Variants in RBFOX1 observed in about 807,000 individuals in gnomAD.
RBFOX1 encodes RNA binding fox-1 homolog 1, also known as RNA binding protein fox-1 homolog 1.
In RBFOX1, 8 loss-of-function variants were observed where a neutral mutation model predicts 57.7. That is an observed-to-expected ratio of 0.14 (90% CI 0.08 to 0.25). The LOEUF (loss-of-function observed/expected upper bound fraction) is 0.25. RBFOX1 is among the 10% of genes least tolerant of loss of function. The pLI, the probability that RBFOX1 is intolerant of heterozygous loss-of-function variation, is 1.00. For missense variants in RBFOX1, 611 were observed against 548.5 expected (o/e 1.11, Z -1.14); for synonymous variants, 326 against 222.4 (o/e 1.47, Z -4.15).
At chr16:6,812,761 A>G (rs1212268625) in intron 3 of RBFOX1, among the ~76,000 whole-genome samples, 1 of 152,152 alleles carries the variant, frequency 6.6e-6, no homozygotes. Flanking sequence ...TGGAGGCCTC[A>G]TTTGTGCTCA....
At chr16:5,815,356 A>G (rs540713115) in intron 3 of RBFOX1, among the ~76,000 whole-genome samples, 38 of 151,704 alleles carry the variant, frequency 2.5e-4, no homozygotes, top group African/African-American at 8.7e-4. Context: ...CTATCCTCCC[A>G]TCCCCTGTTT....
chr16:7,284,040 G>T (rs990862386), intron 4 of RBFOX1, among the ~76,000 whole-genome samples: 1 of 152,188 alleles, frequency 6.6e-6, no homozygotes, highest in Non-Finnish European at 1.5e-5. Context: ...TCAGAAGTAC[G>T]TAGCCTTTAG....
chr16:7,052,215 T>G, intron 4 of RBFOX1, 117 bp downstream of exon 4: 1 of 1,419,334 alleles, frequency 7.0e-7, no homozygotes. Flanking sequence ...TTAAGACTGG[T>G]AGAGTTGAAA....
intron 4 of RBFOX1, among the ~76,000 whole-genome samples, chr16:5,907,917 A>AT (rs1230094742): frequency 2.6e-5 from 4 of 151,268 alleles, no homozygotes; most frequent in Non-Finnish European, 5.9e-5. Flanking sequence ...TGCCCAGCTA[A>AT]TTTTTTTACT....
intron 4 of RBFOX1, among the ~76,000 whole-genome samples, chr16:7,217,880 ATG>A (rs1567752639): frequency 6.7e-6 from 1 of 149,496 alleles, no homozygotes; most frequent in Non-Finnish European, 1.5e-5. Context: ...GCGTGTGTGC[ATG>A]TGTGTGCATG....
chr16:7,689,899 C>G (rs1473918864), intron 14 of RBFOX1, among the ~76,000 whole-genome samples: 4 of 152,036 alleles, frequency 2.6e-5, no homozygotes, highest in African/African-American at 9.7e-5. Flanking sequence ...TAGAAGTACC[C>G]TTTCTTGGAT....
chr16:6,858,319 C>T (rs939803046), intron 3 of RBFOX1, among the ~76,000 whole-genome samples: 1 of 152,138 alleles, frequency 6.6e-6, no homozygotes, highest in Non-Finnish European at 1.5e-5. Flanking sequence ...ATTAGGATAT[C>T]TAGCTTAGGA....
At chr16:6,510,388 GCCGTTCTGCTCTTGTTGTTGAT>G (rs2096229484) in intron 2 of RBFOX1, among the ~76,000 whole-genome samples, 1 of 152,100 alleles carries the variant, frequency 6.6e-6, no homozygotes, top group South Asian at 2.1e-4. Context: ...GTTTCCCGAT[GCCGTTCTGCTCTTGTTGTTGAT>G]GACACGCTGA....
At chr16:6,087,307 C>T (rs1192431733) in intron 1 of RBFOX1, among the ~76,000 whole-genome samples, 5 of 152,132 alleles carry the variant, frequency 3.3e-5, no homozygotes, top group Non-Finnish European at 7.3e-5. Flanking sequence ...CCTTCGAGCA[C>T]ACATGTGCAT....
intron 2 of RBFOX1, among the ~76,000 whole-genome samples, chr16:5,549,000 G>A (rs1260636542): frequency 2.6e-5 from 4 of 152,342 alleles, no homozygotes; most frequent in African/African-American, 2.4e-5. Flanking sequence ...TTTATTGGAT[G>A]TGGATGCTGA....
intron 1 of RBFOX1, among the ~76,000 whole-genome samples, chr16:5,342,799 A>C (rs58185651): frequency 2.0e-5 from 3 of 152,172 alleles, no homozygotes; most frequent in African/African-American, 7.2e-5. Context: ...CAGCAAAACC[A>C]TCTGCTTACC....
At chr16:6,821,529 C>G (rs943348758) in intron 3 of RBFOX1, among the ~76,000 whole-genome samples, 1 of 152,244 alleles carries the variant, frequency 6.6e-6, no homozygotes, top group African/African-American at 2.4e-5. Flanking sequence ...AAATCCCATG[C>G]CTATTAATCA....
intron 2 of RBFOX1, among the ~76,000 whole-genome samples, chr16:6,412,607 G>A (rs1452525510): frequency 1.3e-5 from 2 of 152,200 alleles, no homozygotes; most frequent in Non-Finnish European, 2.9e-5. Flanking sequence ...TTTACATTGA[G>A]GCAGCATGCA....
intron 1 of RBFOX1, among the ~76,000 whole-genome samples, chr16:6,080,198 C>A (rs2095979047): frequency 6.6e-6 from 1 of 152,026 alleles, no homozygotes; most frequent in Non-Finnish European, 1.5e-5. Context: ...CCCAATCTTC[C>A]CTTGGCGCTG....
chr16:6,194,509 C>T (rs143430755), intron 1 of RBFOX1, among the ~76,000 whole-genome samples: 20 of 152,140 alleles, frequency 1.3e-4, no homozygotes, highest in Admixed American at 4.6e-4. Context: ...GTTCAGTGCA[C>T]GTAATGAGCC....
At chr16:7,552,138 G>C (rs1294726389) in intron 5 of RBFOX1, among the ~76,000 whole-genome samples, 1 of 152,152 alleles carries the variant, frequency 6.6e-6, no homozygotes. Flanking sequence ...TGTTGGTACA[G>C]TAGAGAATAT....
Position 7,019,531 on chromosome 16 carries a change from C to T in RBFOX1, c.-15-32526C>T, listed in dbSNP as rs550090035. ...CCCTGAGCCCATGGTCCTCTCTCTC[C>T]TCTTGTTTGTGCTGTGGATTTGCAG... On this transcript the variant is annotated intron_variant, in intron 3 of 15. Transcript: ENST00000550418. 5.9e-5 allele frequency among the ~76,000 whole-genome samples: 9 copies of T among 152,216 alleles called. No homozygotes were observed. In the South Asian group the frequency reaches 1.7e-3, roughly 28 times the overall value.
At chr16:7,417,975 A>C (rs899143338) in intron 4 of RBFOX1, among the ~76,000 whole-genome samples, 1 of 152,032 alleles carries the variant, frequency 6.6e-6, no homozygotes, top group Non-Finnish European at 1.5e-5. Context: ...AATCACCACA[A>C]CCACCCTCAT....
At chr16:6,643,944 G>A (rs887101080) in intron 2 of RBFOX1, among the ~76,000 whole-genome samples, 1 of 152,052 alleles carries the variant, frequency 6.6e-6, no homozygotes, top group Admixed American at 6.5e-5. Context: ...TGGCCAACAT[G>A]GGGAAACCCC....
Sources: allele counts gnomAD v4.1 joint callset (sites outside exome capture counted in the v4.1 genomes callset), GRCh38; gene constraint gnomAD v4.1.1; transcripts MANE v1.5; gene names NCBI Gene and HGNC (gene_info 2026-07-23, HGNC 2026-07-21).